FYB2: variants seen among roughly 807,000 people sequenced by gnomAD.
FYB2 encodes FYN binding protein 2, also known as FYN-binding protein 2.
Under a neutral mutation model 94.1 loss-of-function variants are expected in FYB2, and 103 were observed. That is an observed-to-expected ratio of 1.09 (90% CI 0.93 to 1.29). The LOEUF is 1.29. Among genes scored for constraint, FYB2 ranks in the 50% most tolerant of loss-of-function variants. The pLI is 0.00. For synonymous variants in FYB2, 293 were observed against 287.9 expected (o/e 1.02, Z -0.18); for missense variants, 896 against 841.5 (o/e 1.06, Z -0.80).
chr1:56,751,464 C>T (rs924884582), intron 8 of FYB2, among the ~76,000 whole-genome samples: 1 of 152,102 alleles, frequency 6.6e-6, no homozygotes, highest in Non-Finnish European at 1.5e-5. Flanking sequence ...GACTATAGGG[C>T]AGGCTTTTTA....
intron 3 of FYB2, among the ~76,000 whole-genome samples, chr1:56,788,627 A>G (rs768999227): frequency 5.3e-5 from 8 of 152,138 alleles, no homozygotes; most frequent in Non-Finnish European, 7.4e-5. Flanking sequence ...CTCCCTCCCC[A>G]CTTCTCCTGC....
chr1:56,808,687 C>T (rs1423418778), intron 1 of FYB2, among the ~76,000 whole-genome samples: 1 of 152,144 alleles, frequency 6.6e-6, no homozygotes, highest in Admixed American at 6.5e-5. Flanking sequence ...GGAAACCATG[C>T]ACTGCTAGCT....
chr1:56,818,096 T>C (rs17114400), intron 1 of FYB2, among the ~76,000 whole-genome samples: 36,198 of 152,060 alleles, frequency 0.24, 4,458 homozygotes, highest in Middle Eastern at 0.29. Context: ...AGTTTCCTTT[T>C]CTTACAAGCA....
At chr1:56,776,612 T>C (rs1645882235) in intron 4 of FYB2, among the ~76,000 whole-genome samples, 1 of 152,144 alleles carries the variant, frequency 6.6e-6, no homozygotes, top group Non-Finnish European at 1.5e-5. Context: ...AATTTTAAAA[T>C]ATCTTTGTTT....
intron 1 of FYB2, among the ~76,000 whole-genome samples, chr1:56,795,203 G>C (rs1247582300): frequency 6.6e-6 from 1 of 151,890 alleles, no homozygotes; most frequent in Non-Finnish European, 1.5e-5. Context: ...GACTATTCTA[G>C]GTACTGTATA....
In FYB2 at chr1:56,753,836, T is replaced by G; in HGVS notation, c.1227+3A>C. ...AACTGCAGGAACCGTAGAACATAGG[T>G]ACCTTGAAAACATGGTTTGAATATG... On this transcript the variant is annotated splice_donor_region_variant and intron_variant, in intron 8 of 19. Coordinates refer to ENST00000343433, the MANE Select transcript of FYB2 (RefSeq NM_001004303.5). 1 of 1,594,552 alleles carries G rather than the reference T, an allele frequency of 6.3e-7. No individual in the cohort carries two copies. The highest frequency in any genetic ancestry group is 1.3e-5 in the African/African-American group (1 of 74,496).
At chr1:56,810,154 A>T (rs1161330740) in intron 1 of FYB2, among the ~76,000 whole-genome samples, 3 of 152,190 alleles carry the variant, frequency 2.0e-5, no homozygotes, top group Non-Finnish European at 4.4e-5. Flanking sequence ...GGCAGAGTAC[A>T]TGTTCAGTAA....
chr1:56,796,418 C>T (rs569411669), intron 1 of FYB2, among the ~76,000 whole-genome samples: 51 of 152,222 alleles, frequency 3.4e-4, no homozygotes, highest in African/African-American at 1.1e-3. Context: ...CTGATCTGAA[C>T]TCTTAAGCAG....
chr1:56,797,135 AAGAAC>A (rs1646419018), intron 1 of FYB2, among the ~76,000 whole-genome samples: 1 of 152,198 alleles, frequency 6.6e-6, no homozygotes, highest in South Asian at 2.1e-4. Context: ...CAGCCAAGCA[AAGAAC>A]AGAGGAAGGC....
chr1:56,805,576 A>G (rs565670173), intron 1 of FYB2, among the ~76,000 whole-genome samples: 1 of 152,306 alleles, frequency 6.6e-6, no homozygotes, highest in Admixed American at 6.5e-5. Flanking sequence ...ATGGGTGCTA[A>G]GCCAAGATCT....
At chr1:56,794,127 T>G (rs1646340371) in intron 1 of FYB2, among the ~76,000 whole-genome samples, 1 of 152,196 alleles carries the variant, frequency 6.6e-6, no homozygotes, top group Admixed American at 6.5e-5. Flanking sequence ...TGGAAAATGA[T>G]CATGCTCTTC....
At chr1:56,821,404 G>C (rs1202698470), upstream of FYB2, among the ~76,000 whole-genome samples, 2 of 152,178 alleles carry the variant, frequency 1.3e-5, no homozygotes, top group Non-Finnish European at 2.9e-5. Flanking sequence ...GTCGGCTTAA[G>C]AGCTATGACT....
At chr1:56,751,573 C>T (rs1645199878) in intron 8 of FYB2, among the ~76,000 whole-genome samples, 1 of 152,036 alleles carries the variant, frequency 6.6e-6, no homozygotes, top group Admixed American at 6.6e-5. Context: ...GTCACTGGTT[C>T]CACAGTTAGT....
chr1:56,765,197 C>T (rs1204777512), intron 5 of FYB2, among the ~76,000 whole-genome samples: 1 of 152,146 alleles, frequency 6.6e-6, no homozygotes, highest in East Asian at 1.9e-4. Flanking sequence ...GTTATTACTT[C>T]CCATATGGCC....
chr1:56,730,045 A>C lies in FYB2; in HGVS notation c.1794-3462T>G, dbSNP rs1644670909. Among the ~76,000 whole-genome samples, 4 of 151,988 alleles carry C rather than the reference A, an allele frequency of 2.6e-5. No homozygotes were observed. The South Asian group carries it at 8.3e-4, about 31-fold the overall frequency. On this transcript the variant is annotated intron_variant, in intron 15 of 19. Coordinates refer to ENST00000343433, the MANE Select transcript of FYB2 (RefSeq NM_001004303.5). ...CACAGCAAAAACAATATTAAGAGGC[A>C]AGTTTATAGCAATAAATGCCTACAT...
chr1:56,738,801 G>A (rs1644886877), intron 13 of FYB2, 148 bp from the exon 14 acceptor site: 1 of 732,110 alleles, frequency 1.4e-6, no homozygotes, highest in Non-Finnish European at 2.2e-6. Context: ...TAGTTTCTCT[G>A]GTATTAACAG....
rs112637524 is a variant in FYB2 at position 56,766,732 on chromosome 1, C to T, written c.1063+1097G>A. Among the ~76,000 whole-genome samples, 208 of 152,266 alleles carry T rather than the reference C, an allele frequency of 1.4e-3. 3 individuals carry two copies. The highest frequency in any genetic ancestry group is 4.5e-3 in the African/African-American group (188 of 41,550). Reference sequence around the variant, plus strand: ...GATTACAGGCGTGAGCCACTGCGCCCGGTCCCAACTCCTTATTTCTTGAGG... The same window carrying T: ...GATTACAGGCGTGAGCCACTGCGCCTGGTCCCAACTCCTTATTTCTTGAGG... On this transcript the variant is annotated intron_variant, in intron 5 of 19. Coordinates refer to ENST00000343433, the MANE Select transcript of FYB2 (RefSeq NM_001004303.5).
At chr1:56,780,000 A>G (rs183508018) in intron 4 of FYB2, among the ~76,000 whole-genome samples, 8 of 152,120 alleles carry the variant, frequency 5.3e-5, no homozygotes, top group Non-Finnish European at 8.8e-5. Context: ...TACTAATACT[A>G]ATAATAATAT....
At chr1:56,723,541 T>C (rs761704611) in intron 17 of FYB2, 47 bp downstream of exon 17, 1 of 1,125,124 alleles carries the variant, frequency 8.9e-7, no homozygotes, top group African/African-American at 1.6e-5. Flanking sequence ...AAATGAAAGC[T>C]CCTAGCTGTT....
Sources: allele counts gnomAD v4.1 joint callset (sites outside exome capture counted in the v4.1 genomes callset), GRCh38; gene constraint gnomAD v4.1.1; transcripts MANE v1.5; gene names NCBI Gene and HGNC (gene_info 2026-07-23, HGNC 2026-07-21).